The following IGF1R variants were observed in gnomAD, a reference collection of about 807,000 sequenced individuals.
The protein encoded by IGF1R is insulin-like growth factor 1 receptor.
Under a neutral mutation model 144.6 loss-of-function variants are expected in IGF1R, and 44 were observed. The observed-to-expected ratio is 0.30, with a 90% CI of 0.24 to 0.39. The LOEUF (loss-of-function observed/expected upper bound fraction) is 0.39. IGF1R is among the 10% of genes least tolerant of loss of function. The pLI is 1.00. For missense variants in IGF1R, 1,355 were observed against 1,833.7 expected (o/e 0.74, Z 4.77); for synonymous variants, 795 against 722.8 (o/e 1.10, Z -1.60).
At chr15:98,939,773 C>T (rs1596473329) in intron 18 of IGF1R, among the ~76,000 whole-genome samples, 1 of 152,218 alleles carries the variant, frequency 6.6e-6, no homozygotes, top group Non-Finnish European at 1.5e-5. Flanking sequence ...TTCCAGGGAC[C>T]CACATTGGTT....
At chr15:98,684,415 G>A (rs1596182703) in intron 1 of IGF1R, among the ~76,000 whole-genome samples, 1 of 150,888 alleles carries the variant, frequency 6.6e-6, no homozygotes, top group African/African-American at 2.4e-5. Context: ...GGAGGTGGGG[G>A]GTGTGGGCGG....
chr15:98,939,220 C>G lies in IGF1R; in HGVS notation c.3317C>G (p.Pro1106Arg). ...PEMENNPVLA[P>R]PSLSKMIQMA... ...CAACAGAATAATCCAGTCCTAGCAC[C>G]TCCAAGCCTGAGCAAGATGATTCAG... The change falls in exon 18 of 21, where the codon CCT becomes CGT. Residue 1106 changes from proline to arginine, a missense_variant. Transcript: ENST00000650285. The G allele has an allele frequency of 4.3e-6, 7 of 1,614,008 alleles. No homozygotes were observed. Among genetic ancestry groups the G allele is most frequent in the Non-Finnish European group, 5.9e-6 (7 of 1,179,908 alleles).
intron 2 of IGF1R, among the ~76,000 whole-genome samples, chr15:98,813,004 C>G (rs1056469995): frequency 6.6e-6 from 1 of 152,196 alleles, no homozygotes; most frequent in Non-Finnish European, 1.5e-5. Flanking sequence ...GTGGCTTCTC[C>G]GATAGTGCTG....
intron 2 of IGF1R, among the ~76,000 whole-genome samples, chr15:98,791,546 A>G (rs1338817744): frequency 6.6e-6 from 1 of 152,230 alleles, no homozygotes; most frequent in East Asian, 1.9e-4. Context: ...TTGGTATCAC[A>G]GATGAAAAGT....
Position 98,940,091 on chromosome 15 carries a change from G to A in IGF1R, c.3457+731G>A, listed in dbSNP as rs192068570. 2.1e-3 allele frequency among the ~76,000 whole-genome samples: 314 copies of A among 152,342 alleles called. 3 individuals carry two copies. Among genetic ancestry groups the A allele is most frequent in the African/African-American group, 6.7e-3 (277 of 41,572 alleles). ...CCTTTAGGTTTGTGTTTTTACTTCG[G>A]TCTTTTAATCTGCCTAATAAAAACA... On this transcript the variant is annotated intron_variant, in intron 18 of 20. Coordinates refer to ENST00000650285, the MANE Select transcript of IGF1R (RefSeq NM_000875.5).
intron 1 of IGF1R, among the ~76,000 whole-genome samples, chr15:98,663,260 C>T (rs374465120): frequency 3.1e-4 from 47 of 152,018 alleles, no homozygotes; most frequent in Middle Eastern, 3.4e-3. Context: ...AGAGGCAGGA[C>T]CCGCAAAACA....
intron 2 of IGF1R, among the ~76,000 whole-genome samples, chr15:98,826,832 A>G (rs905026152): frequency 1.2e-4 from 18 of 152,348 alleles, no homozygotes; most frequent in African/African-American, 4.1e-4. Context: ...TGACAAGTAT[A>G]TCTTAAAAGT....
At chr15:98,664,510 TA>T (rs1229917066) in intron 1 of IGF1R, among the ~76,000 whole-genome samples, 1 of 151,572 alleles carries the variant, frequency 6.6e-6, no homozygotes, top group Non-Finnish European at 1.5e-5. Context: ...ACTAAAAATA[TA>T]AAAATTAGCC....
At position 98,683,399 on chromosome 15, in the gene IGF1R, C is replaced by A. The variant is rs143359406; in HGVS notation, c.95-24163C>A. Among the ~76,000 whole-genome samples, 1,108 of 152,316 alleles carry A rather than the reference C, an allele frequency of 7.3e-3. 17 individuals are homozygous for A. Among genetic ancestry groups the A allele is most frequent in the African/African-American group, 0.025 (1,054 of 41,562 alleles). ...GTGAGGTCTCCTCCTTTAGTCCCAT[C>A]ATTGGGGCTGTTTCTGCTCGGAAGG... On this transcript the variant is annotated intron_variant, in intron 1 of 20. Coordinates refer to ENST00000650285, the MANE Select transcript of IGF1R (RefSeq NM_000875.5).
At chr15:98,682,382 T>C (rs1167361047) in intron 1 of IGF1R, among the ~76,000 whole-genome samples, 1 of 152,108 alleles carries the variant, frequency 6.6e-6, no homozygotes, top group African/African-American at 2.4e-5. Flanking sequence ...AAGAAGCATA[T>C]CTGTGCTCCG....
chr15:98,911,285 T>C, intron 6 of IGF1R, 30 bp from the exon 7 acceptor site: 1 of 1,613,848 alleles, frequency 6.2e-7, no homozygotes, highest in Non-Finnish European at 8.5e-7. Context: ...CATGAATCTC[T>C]GTCACTCACG....
chr15:98,959,012 G>A lies in IGF1R; in HGVS notation c.*1570G>A, dbSNP rs576763044. 7.3e-5 allele frequency: 17 copies of A among 233,206 alleles called. No homozygotes were observed. The highest frequency in any genetic ancestry group is 5.1e-4 in the Admixed American group (9 of 17,796). 14.4% of individuals were successfully genotyped at this position (233,206 alleles called of 1,614,324 possible). On this transcript the variant is annotated 3_prime_UTR_variant, in exon 21 of 21. Transcript: ENST00000650285. ...GCCGGGCACCCATCCTGAGAGGGCC[G>A]CGCTCCTCTCCCCAGCCTGCCCTCA...
chr15:98,665,476 T>C (rs1418111631), intron 1 of IGF1R, among the ~76,000 whole-genome samples: 1 of 152,156 alleles, frequency 6.6e-6, no homozygotes, highest in East Asian at 1.9e-4. Context: ...CCCTTCGCCC[T>C]TCAGTCTCTT....
intron 2 of IGF1R, among the ~76,000 whole-genome samples, chr15:98,713,421 A>G (rs1173270070): frequency 1.3e-5 from 2 of 151,702 alleles, no homozygotes; most frequent in Non-Finnish European, 2.9e-5. Flanking sequence ...TGTTGCTGTC[A>G]TTGCTACTGA....
At chr15:98,904,030 C>T (rs892413669) in intron 5 of IGF1R, among the ~76,000 whole-genome samples, 3 of 149,866 alleles carry the variant, frequency 2.0e-5, no homozygotes, top group African/African-American at 7.4e-5. Flanking sequence ...TTTACGGAAG[C>T]TCATGGAATG....
chr15:98,946,948 A>AT (rs1042037019), intron 19 of IGF1R, among the ~76,000 whole-genome samples: 5 of 152,134 alleles, frequency 3.3e-5, no homozygotes, highest in African/African-American at 1.2e-4. Flanking sequence ...TTTATTTTTA[A>AT]TTTTTTGTTG....
intron 2 of IGF1R, among the ~76,000 whole-genome samples, chr15:98,814,785 T>C (rs1325775730): frequency 6.8e-6 from 1 of 148,002 alleles, no homozygotes; most frequent in Non-Finnish European, 1.5e-5. Context: ...AGACCAAAAA[T>C]GGGGAGAAGA....
intron 1 of IGF1R, among the ~76,000 whole-genome samples, chr15:98,687,321 G>A (rs1364985560): frequency 6.6e-6 from 1 of 152,220 alleles, no homozygotes; most frequent in Non-Finnish European, 1.5e-5. Flanking sequence ...CCAGGCGAGT[G>A]TTAAAGGCCT....
intron 2 of IGF1R, among the ~76,000 whole-genome samples, chr15:98,863,765 G>C (rs1477761879): frequency 6.6e-6 from 1 of 152,182 alleles, no homozygotes; most frequent in Non-Finnish European, 1.5e-5. Context: ...CATAGTTTTG[G>C]TCCTGGCTGC....
Sources: gnomAD v4.1 joint callset for allele counts (sites outside exome capture counted in the v4.1 genomes callset) on GRCh38, gnomAD v4.1.1 for gene constraint, MANE v1.5 for transcripts, NCBI Gene and HGNC (gene_info 2026-07-23, HGNC 2026-07-21) for gene names.